Variants in HSD17B12 observed in about 807,000 individuals in gnomAD.
HSD17B12 encodes hydroxysteroid 17-beta dehydrogenase 12.
HSD17B12 carries 32 observed loss-of-function variants against 39.3 expected under a neutral mutation model. The observed-to-expected ratio is 0.81, with a 90% confidence interval of 0.61 to 1.09. HSD17B12 has a LOEUF of 1.09. Ranked by LOEUF, HSD17B12 falls within the 50% of genes least tolerant of loss-of-function variation. HSD17B12 has a pLI of 0.00. For missense variants in HSD17B12, 342 were observed against 382.9 expected (o/e 0.89, Z 0.89); for synonymous variants, 150 against 146.7 (o/e 1.02, Z -0.16).
intron 6 of HSD17B12, among the ~76,000 whole-genome samples, chr11:43,819,097 GTTTTAA>G (rs1951157521): frequency 6.6e-6 from 1 of 152,064 alleles, no homozygotes; most frequent in African/African-American, 2.4e-5. Flanking sequence ...AAATATGTTT[GTTTTAA>G]TTTTATTTTC....
the HSD17B12 span, among the ~76,000 whole-genome samples, chr11:43,590,676 A>C: frequency 6.6e-6 from 1 of 150,944 alleles, no homozygotes; most frequent in African/African-American, 2.4e-5. Flanking sequence ...ATGTCCGGCT[A>C]ATTTTTTGTA....
intron 3 of HSD17B12, among the ~76,000 whole-genome samples, chr11:43,785,767 GA>G (rs1950810497): frequency 6.6e-6 from 1 of 152,168 alleles, no homozygotes. Context: ...TACACTGAGT[GA>G]CATTAAAATA....
At chr11:43,742,992 A>G (rs1716480844) in intron 1 of HSD17B12, among the ~76,000 whole-genome samples, 1 of 152,222 alleles carries the variant, frequency 6.6e-6, no homozygotes, top group Non-Finnish European at 1.5e-5. Context: ...AGTCCTAACC[A>G]TGAAATGGGT....
intron 6 of HSD17B12, among the ~76,000 whole-genome samples, chr11:43,817,364 ATTTATCTTTGTTT>A (rs1223727475): frequency 1.3e-5 from 2 of 151,976 alleles, no homozygotes; most frequent in Non-Finnish European, 2.9e-5. Flanking sequence ...AGTCCTAGCT[ATTTATCTTTGTTT>A]TTATTGCATT....
chr11:43,855,980 TATGGTACCA>T lies in HSD17B12; in HGVS notation c.*733_*741del, dbSNP rs1328289271. ...GTGTACATTGAGACTGGCAGCCATCTATGGTACCACTGAAACCCTGACCCAGAAAAGTGG... is the reference window on the plus strand; with the variant it reads ...GTGTACATTGAGACTGGCAGCCATCTCTGAAACCCTGACCCAGAAAAGTGG... On this transcript the variant is annotated 3_prime_UTR_variant, in exon 11 of 11. Coordinates refer to ENST00000278353, the MANE Select transcript of HSD17B12 (RefSeq NM_016142.3). The T allele has an allele frequency of 6.6e-6, 1 of 152,088 alleles. No individual in the cohort carries two copies. Among genetic ancestry groups the T allele is most frequent in the Non-Finnish European group, 1.5e-5 (1 of 68,018 alleles). The allele number at this position is 152,088 out of a possible 1,614,324, so 9.4% of individuals were successfully genotyped here.
intron 4 of HSD17B12, among the ~76,000 whole-genome samples, chr11:43,799,739 G>T (rs765976339): frequency 2.6e-5 from 4 of 152,132 alleles, no homozygotes; most frequent in African/African-American, 4.8e-5. Flanking sequence ...TAGTCGTAAA[G>T]ACCCCACTTC....
chr11:43,678,214 G>A (rs187297961), upstream of HSD17B12, among the ~76,000 whole-genome samples: 275 of 152,136 alleles, frequency 1.8e-3, 2 homozygotes, highest in African/African-American at 6.2e-3. Flanking sequence ...TGTGTCTGTT[G>A]CCTGCATAAA....
intron 1 of HSD17B12, among the ~76,000 whole-genome samples, chr11:43,732,093 G>T (rs1165704528): frequency 3.3e-5 from 5 of 152,066 alleles, no homozygotes; most frequent in Non-Finnish European, 7.4e-5. Context: ...TGAATCTTGG[G>T]GTGGTTACCT....
intron 6 of HSD17B12, among the ~76,000 whole-genome samples, chr11:43,823,997 C>T (rs550691862): frequency 2.6e-5 from 4 of 152,166 alleles, no homozygotes; most frequent in East Asian, 1.9e-4. Flanking sequence ...AGGTGGCTGA[C>T]GAACACATTT....
chr11:43,664,944 G>C, the HSD17B12 span, among the ~76,000 whole-genome samples: 2 of 152,172 alleles, frequency 1.3e-5, no homozygotes, highest in African/African-American at 4.8e-5. Context: ...ATGAAACGAT[G>C]AATGAAGAGC....
the HSD17B12 span, among the ~76,000 whole-genome samples, chr11:43,567,525 C>G: frequency 6.6e-6 from 1 of 152,176 alleles, no homozygotes; most frequent in African/African-American, 2.4e-5. Flanking sequence ...GAGATTTGTT[C>G]TATAGAGAAA....
chr11:43,789,517 G>A (rs942977003), intron 3 of HSD17B12, among the ~76,000 whole-genome samples: 1 of 152,180 alleles, frequency 6.6e-6, no homozygotes, highest in Non-Finnish European at 1.5e-5. Context: ...CTGAATAAAT[G>A]AATGAGCACC....
intron 3 of HSD17B12, among the ~76,000 whole-genome samples, chr11:43,774,094 C>A (rs1481979185): frequency 1.3e-5 from 2 of 152,122 alleles, no homozygotes; most frequent in African/African-American, 4.8e-5. Context: ...TGAACACATG[C>A]CCCATGTAAA....
chr11:43,702,797 G>C (rs916180428), intron 1 of HSD17B12, among the ~76,000 whole-genome samples: 1 of 151,956 alleles, frequency 6.6e-6, no homozygotes, highest in Non-Finnish European at 1.5e-5. Flanking sequence ...TAAAACATGA[G>C]ATTTTTTTTG....
intron 1 of HSD17B12, among the ~76,000 whole-genome samples, chr11:43,735,037 G>T (rs1246902054): frequency 2.0e-5 from 3 of 152,116 alleles, no homozygotes; most frequent in African/African-American, 7.2e-5. Context: ...TTTGTGTCTG[G>T]CTTCTTTCAT....
the HSD17B12 span, among the ~76,000 whole-genome samples, chr11:43,560,132 T>C: frequency 6.6e-6 from 1 of 152,222 alleles, no homozygotes; most frequent in Non-Finnish European, 1.5e-5. Context: ...CAGTTGTAAA[T>C]GTAAACACAA....
intron 6 of HSD17B12, among the ~76,000 whole-genome samples, chr11:43,823,858 T>G (rs1291480985): frequency 6.6e-6 from 1 of 152,200 alleles, no homozygotes; most frequent in Admixed American, 6.5e-5. Context: ...AAGGTTGAAC[T>G]TGAATCAATC....
At chr11:43,741,939 T>A (rs527316740) in intron 1 of HSD17B12, among the ~76,000 whole-genome samples, 154 of 150,052 alleles carry the variant, frequency 1.0e-3, no homozygotes, top group Non-Finnish European at 1.9e-3. Flanking sequence ...TTTCACCACG[T>A]TAGCCAGGAT....
At chr11:43,843,711 C>A (rs556840074) in intron 9 of HSD17B12, among the ~76,000 whole-genome samples, 2 of 152,284 alleles carry the variant, frequency 1.3e-5, no homozygotes, top group South Asian at 4.2e-4. Context: ...GTCCCTCTCT[C>A]AAGGCTTGGG....
Sources: allele counts gnomAD v4.1 joint callset (sites outside exome capture counted in the v4.1 genomes callset), GRCh38; gene constraint gnomAD v4.1.1; transcripts MANE v1.5; gene names NCBI Gene and HGNC (gene_info 2026-07-23, HGNC 2026-07-21).